ADRA1B: variants seen among roughly 807,000 people sequenced by gnomAD.
ADRA1B encodes the protein alpha-1B adrenergic receptor.
Under a neutral mutation model 17.9 loss-of-function variants are expected in ADRA1B, and 17 were observed. That is an observed-to-expected ratio of 0.95 (90% confidence interval 0.65 to 1.42). The LOEUF (loss-of-function observed/expected upper bound fraction) is 1.42, where lower values mean the gene tolerates loss of function less well. ADRA1B is among the 40% of genes most tolerant of loss of function. The pLI, the probability that ADRA1B is intolerant of heterozygous loss-of-function variation, is 0.00. For missense variants in ADRA1B, 681 were observed against 722.1 expected, an observed-to-expected ratio of 0.94 and a Z score of 0.65; for synonymous variants, 366 against 327.6, an observed-to-expected ratio of 1.12 and a Z score of -1.27.
At chr5:159,874,857 T>C (rs769946896) in intron 1 of ADRA1B, among the ~76,000 whole-genome samples, 7 of 152,234 alleles carry the variant, frequency 4.6e-5, no homozygotes, top group East Asian at 1.9e-4. Flanking sequence ...AATTTATTCA[T>C]GTACCCAAAT....
At chr5:159,896,585 C>T (rs1030722962) in intron 1 of ADRA1B, among the ~76,000 whole-genome samples, 2 of 152,122 alleles carry the variant, frequency 1.3e-5, no homozygotes, top group Non-Finnish European at 2.9e-5. Context: ...ACAGGTATCC[C>T]GTATTTCTCA....
At chr5:159,934,459 C>T (rs148558891) in intron 1 of ADRA1B, among the ~76,000 whole-genome samples, 2 of 152,050 alleles carry the variant, frequency 1.3e-5, no homozygotes, top group Non-Finnish European at 2.9e-5. Context: ...CTCTGAGACA[C>T]CCTTGTTAGC....
chr5:159,902,486 C>A lies in ADRA1B; in HGVS notation c.-255-13633C>A, dbSNP rs377258121. On this transcript the variant is annotated intron_variant, in intron 1 of 2. Coordinates refer to the ADRA1B transcript ENST00000641205. ...TAAATAGATGTTATGTATTTTTTAA[C>A]CACCATTTAAAAAAAAAAAAGGAAT... Among the ~76,000 whole-genome samples, 64 of 151,178 alleles carry A rather than the reference C, an allele frequency of 4.2e-4. 1 individual carries two copies. In the South Asian group the frequency reaches 0.012, roughly 29 times the overall value.
chr5:159,943,507 A>G (rs920599170), intron 1 of ADRA1B, among the ~76,000 whole-genome samples: 21 of 152,158 alleles, frequency 1.4e-4, no homozygotes, highest in South Asian at 4.1e-4. Context: ...CCCTAACTCC[A>G]CAGCTCCAAC....
At chr5:159,936,868 A>C (rs1754969217) in intron 1 of ADRA1B, among the ~76,000 whole-genome samples, 1 of 152,212 alleles carries the variant, frequency 6.6e-6, no homozygotes, top group Non-Finnish European at 1.5e-5. Context: ...GCTCAGGTGG[A>C]CTTGGAACAC....
chr5:159,869,451 A>G (rs936279493), intron 1 of ADRA1B: 1 of 152,248 alleles, frequency 6.6e-6, no homozygotes, highest in Admixed American at 6.5e-5. Context: ...AGTGGATTTC[A>G]GTTTTATGTA....
At chr5:159,907,387 T>A (rs1754173428) in intron 1 of ADRA1B, among the ~76,000 whole-genome samples, 1 of 152,234 alleles carries the variant, frequency 6.6e-6, no homozygotes, top group South Asian at 2.1e-4. Context: ...AATGAGATAA[T>A]TCATGTAAAG....
At chr5:159,986,484 G>C in the ADRA1B span, among the ~76,000 whole-genome samples, 3 of 152,240 alleles carry the variant, frequency 2.0e-5, no homozygotes, top group Admixed American at 6.5e-5. Flanking sequence ...GAAAAGAGGT[G>C]TGTGCTCTGA....
chr5:159,900,170 T>C (rs1754086507), intron 1 of ADRA1B, among the ~76,000 whole-genome samples: 1 of 152,208 alleles, frequency 6.6e-6, no homozygotes, highest in African/African-American at 2.4e-5. Context: ...GTAGGGAAAT[T>C]CCCTCCACCT....
chr5:159,928,349 C>T (rs1425084777), intron 1 of ADRA1B, among the ~76,000 whole-genome samples: 1 of 152,160 alleles, frequency 6.6e-6, no homozygotes, highest in East Asian at 1.9e-4. Flanking sequence ...AGGCTCTGCT[C>T]TTACGACTCT....
At chr5:159,945,090 A>G (rs144756059) in intron 1 of ADRA1B, among the ~76,000 whole-genome samples, 156 of 152,326 alleles carry the variant, frequency 1.0e-3, no homozygotes, top group Non-Finnish European at 1.7e-3. Context: ...AATTTTAAGA[A>G]AAAAGAGGGC....
chr5:159,886,220 G>A (rs1209097439), intron 1 of ADRA1B, among the ~76,000 whole-genome samples: 1 of 152,194 alleles, frequency 6.6e-6, no homozygotes, highest in Non-Finnish European at 1.5e-5. Context: ...GGGACCCATA[G>A]TCTGCCTTAA....
chr5:159,952,229 T>C (rs1174683605), intron 1 of ADRA1B, among the ~76,000 whole-genome samples: 1 of 152,184 alleles, frequency 6.6e-6, no homozygotes, highest in East Asian at 1.9e-4. Context: ...CCTAACCCTA[T>C]ATACACTATG....
At chr5:159,960,591 A>T (rs1755648993) in intron 1 of ADRA1B, among the ~76,000 whole-genome samples, 1 of 152,166 alleles carries the variant, frequency 6.6e-6, no homozygotes, top group Admixed American at 6.6e-5. Context: ...TGTAGTTCCA[A>T]CTACTCAGGA....
intron 1 of ADRA1B, among the ~76,000 whole-genome samples, chr5:159,919,392 C>G (rs1754415653): frequency 6.6e-6 from 1 of 152,172 alleles, no homozygotes; most frequent in Admixed American, 6.5e-5. Flanking sequence ...GTACATGGAG[C>G]TGATGGAGGT....
downstream of ADRA1B, among the ~76,000 whole-genome samples, chr5:159,976,590 T>C (rs1755977290): frequency 6.7e-6 from 1 of 148,456 alleles, no homozygotes; most frequent in Non-Finnish European, 1.5e-5. Context: ...CGCCTGAACC[T>C]GGGAATCAGA....
chr5:159,870,303 A>C (rs1753720753), intron 1 of ADRA1B: 2 of 152,224 alleles, frequency 1.3e-5, no homozygotes, highest in African/African-American at 4.8e-5. Flanking sequence ...CAAGCCATCT[A>C]TCTGCAAGAG....
chr5:159,935,577 C>T (rs373260330), intron 1 of ADRA1B, among the ~76,000 whole-genome samples: 1 of 151,824 alleles, frequency 6.6e-6, no homozygotes, highest in African/African-American at 2.4e-5. Flanking sequence ...GATAGGGTCT[C>T]GCTCTGTCAC....
intron 1 of ADRA1B, among the ~76,000 whole-genome samples, chr5:159,901,807 C>A (rs1754104026): frequency 6.6e-6 from 1 of 152,162 alleles, no homozygotes; most frequent in African/African-American, 2.4e-5. Flanking sequence ...CACAAGATAT[C>A]ACCTCACACC....
Sources: gnomAD v4.1 joint callset for allele counts (sites outside exome capture counted in the v4.1 genomes callset) on GRCh38, gnomAD v4.1.1 for gene constraint, MANE v1.5 for transcripts, NCBI Gene and HGNC (gene_info 2026-07-23, HGNC 2026-07-21) for gene names.